Variants in FAM167A observed in about 807,000 individuals in gnomAD.
FAM167A encodes the protein family with sequence similarity 167 member A, also known as protein FAM167A.
FAM167A carries 23 observed loss-of-function variants against 14.9 expected under a neutral mutation model. The ratio of observed to expected loss-of-function variants is 1.55; its 90% confidence interval spans 1.11 to 2.19. The LOEUF is 2.19. FAM167A is among the 30% of genes most tolerant of loss of function. FAM167A has a pLI of 0.00. For synonymous variants in FAM167A, 174 were observed against 117.7 expected, an observed-to-expected ratio of 1.48 and a Z score of -3.10; for missense variants, 401 against 281.5, an observed-to-expected ratio of 1.42 and a Z score of -3.04.
At position 11,441,113 on chromosome 8, in the gene FAM167A, T is replaced by G. The variant is rs1199303099; in HGVS notation, c.381+2918A>C. On this transcript the variant is annotated intron_variant, in intron 2 of 2. Transcript: ENST00000284486. ...GTCTGGTGTACTTTGGGCCTCAGAG[T>G]CGCAATCTTCTGAATGAGTGTGGTT... Among the ~76,000 whole-genome samples the G allele has an allele frequency of 2.0e-5, 3 of 152,080 alleles. 1 individual carries two copies. Among genetic ancestry groups the G allele is most frequent in the Non-Finnish European group, 4.4e-5 (3 of 68,010 alleles).
rs892009472 is a variant in FAM167A, at chr8:11,433,556, C to T, written c.382-8920G>A. Among the ~76,000 whole-genome samples the T allele has an allele frequency of 2.0e-5, 3 of 152,194 alleles. 1 individual carries two copies. The highest frequency in any genetic ancestry group is 2.0e-4 in the Admixed American group (3 of 15,278). ...GAGATTTCTGGATGCATCTTTAAAG[C>T]TGGCTTGAGAGAAATCCCAGTGCAC... On this transcript the variant is annotated intron_variant, in intron 2 of 2. Transcript: ENST00000284486.
At chr8:11,427,962 G>T (rs1232248411) in intron 2 of FAM167A, among the ~76,000 whole-genome samples, 2 of 152,198 alleles carry the variant, frequency 1.3e-5, no homozygotes, top group Non-Finnish European at 2.9e-5. Context: ...ACGGAGCTAG[G>T]TGCTACCTAA....
upstream of FAM167A, among the ~76,000 whole-genome samples, chr8:11,468,132 C>G (rs7839434): frequency 0.19 from 29,029 of 152,230 alleles, 3,005 homozygotes; most frequent in African/African-American, 0.22. Context: ...CTCAGCGCCT[C>G]CCAAGCCAGT....
At chr8:11,449,427 T>A (rs1015063371) in intron 1 of FAM167A, among the ~76,000 whole-genome samples, 8 of 152,032 alleles carry the variant, frequency 5.3e-5, no homozygotes, top group East Asian at 1.9e-4. Context: ...AGTGGAGGCC[T>A]CCCCTCGCTT....
upstream of FAM167A, among the ~76,000 whole-genome samples, chr8:11,471,022 G>C (rs114006218): frequency 6.6e-5 from 10 of 152,324 alleles, no homozygotes; most frequent in Non-Finnish European, 1.5e-4. Flanking sequence ...GCCACCCGGG[G>C]GCTAGACATG....
chr8:11,444,070 C>A lies in FAM167A; in HGVS notation c.342G>T (p.Gln114His). ...PLSTGKLEGF[Q>H]SIDEAIAWLR... is the part of the protein sequence containing the mutation. ...GCCAGGCTATAGCTTCATCGATGCT[C>A]TGAAAGCCTTCCAGCTTGCCAGTGG... is the stretch of plus-strand genomic sequence containing the variant. The change falls in exon 2 of 3, where the codon CAG (glutamine) becomes CAT (histidine). Residue 114 changes from glutamine to histidine, a missense_variant. Gln to His is a conservative substitution (Grantham distance 24). Coordinates refer to ENST00000284486, the MANE Select transcript of FAM167A (RefSeq NM_053279.3). The A allele has an allele frequency of 6.2e-7, 1 of 1,613,544 alleles. No individual in the cohort carries two copies. Among genetic ancestry groups the A allele is most frequent in the African/African-American group, 1.3e-5 (1 of 75,070 alleles).
chr8:11,445,819 T>C (rs1220975170), intron 1 of FAM167A, among the ~76,000 whole-genome samples: 1 of 132,748 alleles, frequency 7.5e-6, no homozygotes, highest in Non-Finnish European at 1.6e-5. Flanking sequence ...AAGGGTGTGT[T>C]TTAAAAAAAA....
At chr8:11,446,787 A>T (rs1433444180) in intron 1 of FAM167A, among the ~76,000 whole-genome samples, 1 of 152,184 alleles carries the variant, frequency 6.6e-6, no homozygotes, top group African/African-American at 2.4e-5. Flanking sequence ...TCCAAATCTA[A>T]AGACTTATCA....
chr8:11,432,236 G>T (rs1304276661), intron 2 of FAM167A, among the ~76,000 whole-genome samples: 1 of 152,094 alleles, frequency 6.6e-6, no homozygotes, highest in Non-Finnish European at 1.5e-5. Flanking sequence ...AAGATTTTAG[G>T]AATTAAAAAT....
chr8:11,466,458 G>T (rs1000687691), intron 1 of FAM167A, among the ~76,000 whole-genome samples, 168 bp downstream of exon 1: 3 of 146,840 alleles, frequency 2.0e-5, no homozygotes, highest in Non-Finnish European at 2.9e-5. Flanking sequence ...CCTCTCCCGG[G>T]GGGGCGGTAG....
chr8:11,461,069 T>C (rs1734555789), intron 1 of FAM167A, among the ~76,000 whole-genome samples: 1 of 152,152 alleles, frequency 6.6e-6, no homozygotes, highest in Non-Finnish European at 1.5e-5. Flanking sequence ...AAATACTGCT[T>C]CCCTGTTGGT....
intron 2 of FAM167A, among the ~76,000 whole-genome samples, chr8:11,442,801 T>G (rs1020126548): frequency 2.6e-5 from 4 of 151,996 alleles, no homozygotes; most frequent in Non-Finnish European, 5.9e-5. Context: ...CTCTCGTTAC[T>G]AAAGACGGAT....
rs951543985 is a variant in FAM167A at position 11,423,361 on chromosome 8, G to A, written c.*1012C>T. 7.9e-5 allele frequency: 12 copies of A among 152,616 alleles called. No homozygotes were observed. Among genetic ancestry groups the A allele is most frequent in the African/African-American group, 2.4e-4 (10 of 41,446 alleles). The allele number at this position is 152,616 out of a possible 1,614,324, so 9.5% of individuals were successfully genotyped here. On this transcript the variant is annotated 3_prime_UTR_variant, in exon 3 of 3. Transcript: ENST00000284486. The stretch of plus-strand genomic sequence containing the variant: ...GGCTTCCGCATTTGGACAAAAATCA[G>A]TTACTAACAAGTGAACAACACATCA...
chr8:11,449,729 C>T (rs114655325), intron 1 of FAM167A, among the ~76,000 whole-genome samples: 5,806 of 152,278 alleles, frequency 0.038, 165 homozygotes, highest in African/African-American at 0.083. Context: ...GTGCCAGTGC[C>T]GAGGACCCAT....
chr8:11,453,458 C>G (rs922305277), intron 1 of FAM167A, among the ~76,000 whole-genome samples: 15 of 152,220 alleles, frequency 9.9e-5, no homozygotes, highest in Non-Finnish European at 1.8e-4. Flanking sequence ...GAAGTATGCA[C>G]TATGATTGTC....
intron 2 of FAM167A, among the ~76,000 whole-genome samples, chr8:11,436,040 G>C (rs1805984614): frequency 6.6e-6 from 1 of 152,202 alleles, no homozygotes; most frequent in African/African-American, 2.4e-5. Flanking sequence ...GCCTGGCTCA[G>C]GGCGGGTCCC....
At chr8:11,442,902 C>T (rs773712239) in intron 2 of FAM167A, among the ~76,000 whole-genome samples, 1 of 152,202 alleles carries the variant, frequency 6.6e-6, no homozygotes, top group African/African-American at 2.4e-5. Flanking sequence ...TCCCTGCGTC[C>T]CTGAGCCCTG....
intron 2 of FAM167A, among the ~76,000 whole-genome samples, chr8:11,439,309 G>A (rs1054458240): frequency 6.6e-6 from 1 of 152,226 alleles, no homozygotes; most frequent in South Asian, 2.1e-4. Context: ...CCCACTTCCC[G>A]TCGGAAGACA....
rs1001302446 is a variant in FAM167A, at chr8:11,421,819, A to T, written c.*2554T>A. 1 of 398,676 alleles carries T rather than the reference A, an allele frequency of 2.5e-6. No individual in the cohort carries two copies. The highest frequency in any genetic ancestry group is 2.1e-5 in the African/African-American group (1 of 48,638). The allele number at this position is 398,676 out of a possible 1,614,324, so 24.7% of individuals were successfully genotyped here. On this transcript the variant is annotated 3_prime_UTR_variant, in exon 3 of 3. Transcript: ENST00000284486. ...TACAACTGCAAACAGCACTGTACACATGTGGTGAGCCAGGAGGCTGGGACG... is the reference window on the plus strand; with the variant it reads ...TACAACTGCAAACAGCACTGTACACTTGTGGTGAGCCAGGAGGCTGGGACG...
Sources: gnomAD v4.1 joint callset for allele counts (sites outside exome capture counted in the v4.1 genomes callset) on GRCh38, gnomAD v4.1.1 for gene constraint, MANE v1.5 for transcripts, NCBI Gene and HGNC (gene_info 2026-07-23, HGNC 2026-07-21) for gene names.